The following CTNNA3 variants were observed in gnomAD, a reference collection of about 807,000 sequenced individuals.
The protein encoded by CTNNA3 is catenin alpha-3.
In CTNNA3, 76 loss-of-function variants were observed where a neutral mutation model predicts 95.7. That is an observed-to-expected ratio of 0.79 (90% CI 0.66 to 0.96). The LOEUF (loss-of-function observed/expected upper bound fraction) is 0.96. Among genes scored for constraint, CTNNA3 ranks in the 40% least tolerant of loss-of-function variants. CTNNA3 has a pLI of 0.00. For missense variants in CTNNA3, 1,191 were observed against 1,089.8 expected (o/e 1.09, Z -1.31); for synonymous variants, 431 against 374.4 (o/e 1.15, Z -1.74).
At chr10:67,204,080 G>T (rs2132219469) in intron 6 of CTNNA3, among the ~76,000 whole-genome samples, 1 of 152,170 alleles carries the variant, frequency 6.6e-6, no homozygotes, top group Middle Eastern at 3.4e-3. Flanking sequence ...AGAAGGAAAT[G>T]GGCTTTTATT....
At chr10:67,646,343 T>C (rs963112746) in intron 2 of CTNNA3, among the ~76,000 whole-genome samples, 1 of 151,746 alleles carries the variant, frequency 6.6e-6, no homozygotes, top group Non-Finnish European at 1.5e-5. Context: ...TGAAACTGTT[T>C]AGTGAGTGGC....
intron 7 of CTNNA3, among the ~76,000 whole-genome samples, chr10:66,970,934 T>C (rs145744690): frequency 7.8e-4 from 119 of 152,244 alleles, no homozygotes; most frequent in African/African-American, 2.6e-3. Flanking sequence ...CCAAGTGAAA[T>C]AGAAAGAAGT....
chr10:66,574,396 A>G (rs1842948374), intron 10 of CTNNA3, among the ~76,000 whole-genome samples: 1 of 152,116 alleles, frequency 6.6e-6, no homozygotes. Context: ...AAGAAATAAA[A>G]GCTCACTGAA....
chr10:67,454,241 C>G (rs778354439), intron 5 of CTNNA3, among the ~76,000 whole-genome samples: 16 of 152,102 alleles, frequency 1.1e-4, no homozygotes, highest in Non-Finnish European at 1.9e-4. Context: ...TTTTTAACAT[C>G]TATTGAAGCT....
At chr10:67,422,877 T>TA (rs1845796207) in intron 5 of CTNNA3, among the ~76,000 whole-genome samples, 1 of 152,064 alleles carries the variant, frequency 6.6e-6, no homozygotes, top group African/African-American at 2.4e-5. Context: ...AACAAACTAA[T>TA]ACACTCCCCC....
chr10:66,293,663 C>CTTT (rs2091727422), intron 12 of CTNNA3, among the ~76,000 whole-genome samples: 1 of 132,286 alleles, frequency 7.6e-6, no homozygotes, highest in African/African-American at 3.4e-5. Context: ...TTTCTTTTTT[C>CTTT]TTTCTTTTTT....
At chr10:66,392,098 TAAAAA>T in intron 11 of CTNNA3, among the ~76,000 whole-genome samples, 1 of 151,898 alleles carries the variant, frequency 6.6e-6, no homozygotes, top group Non-Finnish European at 1.5e-5. Context: ...TTGGACTTCG[TAAAAA>T]TTTAAAACTT....
chr10:67,137,557 A>G (rs1860358984), intron 7 of CTNNA3, among the ~76,000 whole-genome samples: 1 of 152,196 alleles, frequency 6.6e-6, no homozygotes, highest in Admixed American at 6.6e-5. Context: ...GTAACAAATC[A>G]TAGCACAAAA....
At chr10:67,472,705 G>A (rs935320889) in intron 5 of CTNNA3, among the ~76,000 whole-genome samples, 1 of 152,140 alleles carries the variant, frequency 6.6e-6, no homozygotes, top group African/African-American at 2.4e-5. Context: ...GGACTGGGGG[G>A]ATAGGGTGCT....
intron 6 of CTNNA3, among the ~76,000 whole-genome samples, chr10:67,188,117 G>A (rs1407144969): frequency 6.6e-6 from 1 of 152,208 alleles, no homozygotes; most frequent in African/African-American, 2.4e-5. Context: ...ATGTGGATGT[G>A]TTGTATAAAT....
intron 5 of CTNNA3, among the ~76,000 whole-genome samples, chr10:67,304,985 T>A (rs1477022420): frequency 6.6e-6 from 1 of 151,934 alleles, no homozygotes; most frequent in East Asian, 1.9e-4. Context: ...TTAGAAAATG[T>A]GAGGTATTAG....
chr10:65,963,471 A>G (rs1341563809), intron 17 of CTNNA3, among the ~76,000 whole-genome samples: 3 of 152,210 alleles, frequency 2.0e-5, no homozygotes, highest in African/African-American at 7.2e-5. Flanking sequence ...GGTTTGCGCC[A>G]CTTATGAAGC....
intron 15 of CTNNA3, among the ~76,000 whole-genome samples, chr10:66,021,030 T>C (rs571587277): frequency 9.2e-5 from 14 of 152,142 alleles, no homozygotes; most frequent in Non-Finnish European, 2.1e-4. Flanking sequence ...ACTGACTCTT[T>C]CTTGATCTTT....
At chr10:67,241,948 T>C (rs1256890192) in intron 5 of CTNNA3, among the ~76,000 whole-genome samples, 1 of 152,086 alleles carries the variant, frequency 6.6e-6, no homozygotes, top group African/African-American at 2.4e-5. Flanking sequence ...AGGAATAGGA[T>C]CCAAGACTGG....
At chr10:67,284,583 T>A (rs938053698) in intron 5 of CTNNA3, among the ~76,000 whole-genome samples, 2 of 152,152 alleles carry the variant, frequency 1.3e-5, no homozygotes, top group African/African-American at 2.4e-5. Flanking sequence ...TTGGGAGAAA[T>A]TTAATTGAAC....
chr10:66,845,957 C>A (rs1424797841), intron 7 of CTNNA3, among the ~76,000 whole-genome samples: 1 of 151,710 alleles, frequency 6.6e-6, no homozygotes, highest in Non-Finnish European at 1.5e-5. Context: ...ATGGTGAAAC[C>A]CTGTCTCTAC....
rs980071119 is a variant in CTNNA3, at chr10:67,691,027, G to A, written c.-6+4973C>T. Among the ~76,000 whole-genome samples, 65 of 152,308 alleles carry A rather than the reference G, an allele frequency of 4.3e-4. 1 individual carries two copies. The East Asian group carries it at 7.3e-3, about 17-fold the overall frequency. On this transcript the variant is annotated intron_variant, in intron 1 of 17. Coordinates refer to ENST00000433211, the MANE Select transcript of CTNNA3 (RefSeq NM_013266.4). ...CTGCCTCAGCCTGCCGAGTGCCTGC[G>A]ATTGCAGGCGCGCGCCGCCACGCCT...
intron 1 of CTNNA3, among the ~76,000 whole-genome samples, chr10:67,745,611 G>A (rs1841371121): frequency 6.6e-6 from 1 of 151,710 alleles, no homozygotes; most frequent in Non-Finnish European, 1.5e-5. Flanking sequence ...ATATACATAT[G>A]TAACAAACCT....
chr10:66,001,686 T>C (rs1037537030), intron 15 of CTNNA3, among the ~76,000 whole-genome samples: 1 of 152,092 alleles, frequency 6.6e-6, no homozygotes, highest in African/African-American at 2.4e-5. Flanking sequence ...TTTCTTTCCT[T>C]CTCCTTTTAC....
Sources: allele counts gnomAD v4.1 joint callset (sites outside exome capture counted in the v4.1 genomes callset), GRCh38; gene constraint gnomAD v4.1.1; transcripts MANE v1.5; gene names NCBI Gene and HGNC (gene_info 2026-07-23, HGNC 2026-07-21).